The following LARP1B variants were observed in gnomAD, a reference collection of about 807,000 sequenced individuals.
LARP1B encodes the protein la-related protein 1B.
In LARP1B, 76 loss-of-function variants were observed where a neutral mutation model predicts 114.2. The ratio of observed to expected loss-of-function variants is 0.67; its 90% CI spans 0.55 to 0.81. The LOEUF is 0.81. LARP1B is among the 30% of genes least tolerant of loss of function. The probability of loss-of-function intolerance (pLI) is 0.00; values close to 1 mark genes in which losing one functional copy is unlikely to be tolerated. For synonymous variants in LARP1B, 345 were observed against 348.0 expected (o/e 0.99, Z 0.10); for missense variants, 1,014 against 1,075.8 (o/e 0.94, Z 0.80).
At chr4:128,077,455 C>T (rs1237660047) in intron 3 of LARP1B, among the ~76,000 whole-genome samples, 1 of 151,872 alleles carries the variant, frequency 6.6e-6, no homozygotes, top group South Asian at 2.1e-4. Flanking sequence ...GAGCCGAGAT[C>T]GTGCCACTGC....
chr4:128,083,759 G>A (rs1411061333), intron 5 of LARP1B, among the ~76,000 whole-genome samples: 4 of 145,464 alleles, frequency 2.7e-5, no homozygotes, highest in East Asian at 2.1e-4. Flanking sequence ...GGGCAGAGGC[G>A]CCCCTCACCT....
intron 7 of LARP1B, chr4:128,092,690 ACCTTCCTGGGTTG>A (rs1384148097): frequency 2.5e-6 from 2 of 805,246 alleles, no homozygotes; most frequent in African/African-American, 3.7e-5. Flanking sequence ...TCAGCCAGGC[ACCTTCCTGGGTTG>A]CCTTCATGGT....
chr4:128,101,344 G>C (rs932577636), intron 8 of LARP1B, among the ~76,000 whole-genome samples: 2 of 151,488 alleles, frequency 1.3e-5, no homozygotes, highest in Admixed American at 6.6e-5. Flanking sequence ...ATGGTGACGT[G>C]CCTGTAATCC....
At chr4:128,108,201 A>G in intron 9 of LARP1B, 1 of 1,199,472 alleles carries the variant, frequency 8.3e-7, no homozygotes, top group Non-Finnish European at 1.0e-6. Context: ...TGGGAAAGTT[A>G]ATTATTATTA....
chr4:128,164,747 C>T (rs886189565), intron 12 of LARP1B, among the ~76,000 whole-genome samples: 2 of 152,006 alleles, frequency 1.3e-5, no homozygotes, highest in Non-Finnish European at 2.9e-5. Flanking sequence ...ATCACTTGAG[C>T]CCAGGAGTTT....
At position 128,183,051 on chromosome 4, in the gene LARP1B, A is replaced by G. The variant is rs187961782; in HGVS notation, c.2003+3539A>G. On this transcript the variant is annotated intron_variant, in intron 15 of 19. Transcript: ENST00000326639. ...TAATGAGGTTTAAGAAGCTGTCTCC[A>G]TAATATAAAAGTGCAAGGTGAAGGA... 1.9e-3 allele frequency among the ~76,000 whole-genome samples: 288 copies of G among 152,338 alleles called. 2 individuals are homozygous for G. Among genetic ancestry groups the G allele is most frequent in the Non-Finnish European group, 2.8e-3 (189 of 68,026 alleles).
In LARP1B at chr4:128,078,009, T is replaced by C. The variant is rs1000758975; in HGVS notation, c.217+47T>C. The C allele has an allele frequency of 3.1e-6, 4 of 1,299,062 alleles. No homozygotes were observed. The African/African-American group carries it at 6.0e-5, about 19-fold the overall frequency. The allele number at this position is 1,299,062 out of a possible 1,614,324, so 80.5% of individuals were successfully genotyped here. A position where few individuals can be genotyped will look rare whatever the true frequency, so the allele number is the denominator to read the frequency against. ...TTTTGATTTTAGTTTTTGAAGAAAG[T>C]TGTAATGAGGAATTACATTTCATTA... On this transcript the variant is annotated intron_variant, in intron 4 of 19. Coordinates refer to ENST00000326639, the MANE Select transcript of LARP1B (RefSeq NM_018078.4).
At chr4:128,104,788 T>TTCTTTCCACTTTGGG (rs1781501023) in intron 8 of LARP1B, among the ~76,000 whole-genome samples, 1 of 152,174 alleles carries the variant, frequency 6.6e-6, no homozygotes, top group African/African-American at 2.4e-5. Flanking sequence ...CATATTTGGG[T>TTCTTTCCACTTTGGG]TCTTTCCACT....
At chr4:128,079,283 C>CG (rs1769276607) in intron 4 of LARP1B, among the ~76,000 whole-genome samples, 1 of 151,696 alleles carries the variant, frequency 6.6e-6, no homozygotes, top group African/African-American at 2.4e-5. Context: ...TTAGTAGAGA[C>CG]GGGGTTTCAC....
chr4:128,142,654 A>C (rs1220112770), intron 11 of LARP1B, among the ~76,000 whole-genome samples: 2 of 151,746 alleles, frequency 1.3e-5, no homozygotes, highest in Non-Finnish European at 2.9e-5. Flanking sequence ...GATTACAGGC[A>C]TGCGCCACCA....
intron 8 of LARP1B, among the ~76,000 whole-genome samples, chr4:128,100,573 CATT>C (rs1779963416): frequency 6.6e-6 from 1 of 151,950 alleles, no homozygotes; most frequent in Non-Finnish European, 1.5e-5. Context: ...CGCCTGGACT[CATT>C]GTGGTTTTAA....
intron 12 of LARP1B, among the ~76,000 whole-genome samples, 192 bp from the exon 13 acceptor site, chr4:128,176,680 C>G (rs1267521573): frequency 2.0e-5 from 3 of 152,050 alleles, no homozygotes; most frequent in Admixed American, 2.0e-4. Flanking sequence ...TACATTTTTT[C>G]CCAAACATTA....
intron 11 of LARP1B, among the ~76,000 whole-genome samples, chr4:128,129,097 G>A (rs543900443): frequency 1.3e-5 from 2 of 148,156 alleles, no homozygotes; most frequent in East Asian, 4.0e-4. Flanking sequence ...CCCGGGAGGC[G>A]GAGCTTGCAG....
At position 128,210,721 on chromosome 4, in the gene LARP1B, T is replaced by C; in HGVS notation, c.*668T>C. 2.0e-6 allele frequency: 2 copies of C among 985,360 alleles called. No homozygotes were observed. The highest frequency in any genetic ancestry group is 2.4e-6 in the Non-Finnish European group (2 of 829,860). The allele number at this position is 985,360 out of a possible 1,614,324, so 61.0% of individuals were successfully genotyped here. A position where few individuals can be genotyped will look rare whatever the true frequency, so the allele number is the denominator to read the frequency against. On this transcript the variant is annotated 3_prime_UTR_variant, in exon 20 of 20. Transcript: ENST00000326639. ...GGTTTTGCTTTTCTCCCCCCAGTCA[T>C]ATCTCATGATTTCCACAGTTGTTGT... is the stretch of plus-strand genomic sequence containing the variant.
At chr4:128,214,133 A>T (rs904784427), downstream of LARP1B, among the ~76,000 whole-genome samples, 18 of 142,626 alleles carry the variant, frequency 1.3e-4, no homozygotes, top group African/African-American at 4.4e-4. Flanking sequence ...TATATCCCAC[A>T]CCTGGCTCAG....
intron 6 of LARP1B, chr4:128,220,236 G>A: frequency 5.1e-6 from 1 of 196,416 alleles, no homozygotes; most frequent in Non-Finnish European, 9.2e-6. Context: ...CTGACATTCT[G>A]TATGCTTCTT....
chr4:128,158,947 A>T (rs1032441009), intron 11 of LARP1B, among the ~76,000 whole-genome samples: 7 of 151,908 alleles, frequency 4.6e-5, no homozygotes, highest in Middle Eastern at 3.2e-3. Context: ...AGGCAGGAGG[A>T]TTGCTTGAGG....
intron 12 of LARP1B, among the ~76,000 whole-genome samples, chr4:128,176,652 G>A (rs1016705602): frequency 2.0e-5 from 3 of 152,116 alleles, no homozygotes; most frequent in Non-Finnish European, 4.4e-5. Flanking sequence ...ATTAAGTTTA[G>A]CATTCCTTTG....
intron 10 of LARP1B, among the ~76,000 whole-genome samples, chr4:128,118,334 C>G (rs1254459506): frequency 6.7e-6 from 1 of 150,242 alleles, no homozygotes; most frequent in Admixed American, 6.7e-5. Context: ...CGGGTTCATG[C>G]CATTCTCCTG....
Sources: gnomAD v4.1 joint callset for allele counts (sites outside exome capture counted in the v4.1 genomes callset) on GRCh38, gnomAD v4.1.1 for gene constraint, MANE v1.5 for transcripts, NCBI Gene and HGNC (gene_info 2026-07-23, HGNC 2026-07-21) for gene names.